The following GRID2 variants were observed in gnomAD, a reference collection of about 807,000 sequenced individuals.
GRID2 encodes the protein glutamate receptor ionotropic, delta-2.
In GRID2, 33 loss-of-function variants were observed where a neutral mutation model predicts 114.8. The ratio of observed to expected loss-of-function variants is 0.29; its 90% CI spans 0.22 to 0.38. GRID2 has a LOEUF of 0.38. Among genes scored for constraint, GRID2 ranks in the 10% least tolerant of loss-of-function variants. The probability of loss-of-function intolerance (pLI) is 1.00; values close to 1 mark genes in which losing one functional copy is unlikely to be tolerated. For synonymous variants in GRID2, 505 were observed against 449.9 expected (o/e 1.12, Z -1.55); for missense variants, 1,184 against 1,257.7 (o/e 0.94, Z 0.89).
chr4:92,691,333 GAAAC>G (rs2149293107), intron 2 of GRID2, among the ~76,000 whole-genome samples: 1 of 152,086 alleles, frequency 6.6e-6, no homozygotes, highest in East Asian at 1.9e-4. Context: ...GACTCCAGAG[GAAAC>G]AAATAACACA....
chr4:93,213,631 C>T (rs142653688), intron 5 of GRID2, among the ~76,000 whole-genome samples: 143 of 152,198 alleles, frequency 9.4e-4, no homozygotes, highest in African/African-American at 3.3e-3. Context: ...TCTAAATTGG[C>T]ATCTGATCCA....
intron 1 of GRID2, among the ~76,000 whole-genome samples, chr4:92,455,704 G>A (rs149239775): frequency 7.0e-4 from 107 of 152,250 alleles, no homozygotes; most frequent in African/African-American, 2.5e-3. Context: ...TGGGCAGTGA[G>A]GCACGAGAGA....
At chr4:93,002,254 A>G (rs1721065648) in intron 2 of GRID2, among the ~76,000 whole-genome samples, 1 of 151,742 alleles carries the variant, frequency 6.6e-6, no homozygotes, top group South Asian at 2.1e-4. Context: ...CATTTTATGG[A>G]AAAAATTAAT....
chr4:92,796,347 T>C (rs900043913), intron 2 of GRID2, among the ~76,000 whole-genome samples: 1 of 151,874 alleles, frequency 6.6e-6, no homozygotes, highest in African/African-American at 2.4e-5. Context: ...ACTAGAAAGG[T>C]ACTTCCTGAT....
intron 1 of GRID2, among the ~76,000 whole-genome samples, chr4:92,407,803 G>GT (rs1437798048): frequency 6.6e-6 from 1 of 152,092 alleles, no homozygotes; most frequent in East Asian, 1.9e-4. Context: ...TTGTTGATTT[G>GT]TTTAAGTTCC....
At chr4:92,489,005 C>T (rs1230414596) in intron 1 of GRID2, among the ~76,000 whole-genome samples, 1 of 152,108 alleles carries the variant, frequency 6.6e-6, no homozygotes, top group East Asian at 1.9e-4. Flanking sequence ...GTACATTTCC[C>T]ATAGTATTGC....
chr4:93,687,858 A>G (rs1726210409), intron 14 of GRID2, among the ~76,000 whole-genome samples: 2 of 152,030 alleles, frequency 1.3e-5, no homozygotes, highest in African/African-American at 4.8e-5. Context: ...TAAGATTATA[A>G]AAGTATATTA....
At chr4:93,644,582 C>CCCTT (rs1560854250) in intron 14 of GRID2, among the ~76,000 whole-genome samples, 1 of 152,074 alleles carries the variant, frequency 6.6e-6, no homozygotes. Flanking sequence ...ACCATCGTGG[C>CCCTT]CCTTCTAGGG....
intron 4 of GRID2, among the ~76,000 whole-genome samples, chr4:93,122,899 T>G (rs796092843): frequency 4.5e-5 from 6 of 134,488 alleles, no homozygotes; most frequent in Non-Finnish European, 6.2e-5. Flanking sequence ...GGTTTTTTTT[T>G]TTTTTTTTTT....
intron 2 of GRID2, among the ~76,000 whole-genome samples, chr4:92,879,736 C>T (rs1473589562): frequency 6.6e-6 from 1 of 152,206 alleles, no homozygotes; most frequent in African/African-American, 2.4e-5. Context: ...GCTTTAATCA[C>T]ATTCAAATGT....
At chr4:93,443,173 A>G (rs1000468153) in intron 10 of GRID2, among the ~76,000 whole-genome samples, 1 of 152,022 alleles carries the variant, frequency 6.6e-6, no homozygotes, top group Non-Finnish European at 1.5e-5. Context: ...TTTTTAACAG[A>G]GCAGCCAAAG....
At chr4:93,006,443 A>G (rs996692209) in intron 2 of GRID2, among the ~76,000 whole-genome samples, 3 of 152,080 alleles carry the variant, frequency 2.0e-5, no homozygotes, top group Non-Finnish European at 4.4e-5. Flanking sequence ...GAAATAGAAA[A>G]GAAGGTGTTT....
chr4:92,783,677 G>A (rs1418589586), intron 2 of GRID2, among the ~76,000 whole-genome samples: 1 of 152,024 alleles, frequency 6.6e-6, no homozygotes, highest in Non-Finnish European at 1.5e-5. Flanking sequence ...GAGGCCAGGA[G>A]TTCAGGACCA....
chr4:93,754,410 A>T (rs1397935445), intron 14 of GRID2, among the ~76,000 whole-genome samples: 1 of 152,146 alleles, frequency 6.6e-6, no homozygotes, highest in Non-Finnish European at 1.5e-5. Flanking sequence ...TACAAAGTGG[A>T]TCTGTTCTCA....
intron 2 of GRID2, among the ~76,000 whole-genome samples, chr4:92,966,113 G>A (rs188104777): frequency 2.6e-5 from 4 of 151,958 alleles, no homozygotes; most frequent in East Asian, 1.9e-4. Context: ...GGACTTCCAC[G>A]CTATGCAAGA....
intron 8 of GRID2, among the ~76,000 whole-genome samples, chr4:93,322,251 C>G (rs1424241220): frequency 2.6e-5 from 4 of 151,928 alleles, no homozygotes; most frequent in Non-Finnish European, 4.4e-5. Context: ...CTGTGTCCAA[C>G]TGTTCTCATT....
chr4:92,839,626 A>G (rs1371473150), intron 2 of GRID2, among the ~76,000 whole-genome samples: 2 of 152,022 alleles, frequency 1.3e-5, no homozygotes, highest in East Asian at 3.9e-4. Context: ...GTGTTTGTAT[A>G]GTTTCCAAAA....
intron 2 of GRID2, among the ~76,000 whole-genome samples, chr4:92,704,725 C>CTT (rs1418489260): frequency 8.3e-5 from 11 of 133,184 alleles, no homozygotes; most frequent in African/African-American, 3.3e-4. Context: ...CTCTCTCTTT[C>CTT]TCTCTCTCTC....
At chr4:92,667,273 TTC>T (rs1444805911) in intron 2 of GRID2, among the ~76,000 whole-genome samples, 1 of 151,606 alleles carries the variant, frequency 6.6e-6, no homozygotes, top group Non-Finnish European at 1.5e-5. Flanking sequence ...CTTCCCAGAA[TTC>T]TCTTATTTTG....
Sources: allele counts gnomAD v4.1 joint callset (sites outside exome capture counted in the v4.1 genomes callset), GRCh38; gene constraint gnomAD v4.1.1; transcripts MANE v1.5; gene names NCBI Gene and HGNC (gene_info 2026-07-23, HGNC 2026-07-21).